SH3KBP1: variants seen among roughly 807,000 people sequenced by gnomAD.
SH3KBP1 encodes SH3 domain-containing kinase-binding protein 1.
SH3KBP1 carries 8 observed loss-of-function variants against 50.1 expected under a neutral mutation model. The observed-to-expected ratio is 0.16, with a 90% confidence interval of 0.09 to 0.29. The LOEUF (loss-of-function observed/expected upper bound fraction) is 0.29. Among genes scored for constraint, SH3KBP1 ranks in the 10% least tolerant of loss-of-function variants. The pLI, the probability that SH3KBP1 is intolerant of heterozygous loss-of-function variation, is 1.00. For synonymous variants in SH3KBP1, 227 were observed against 218.6 expected (o/e 1.04, Z -0.34); for missense variants, 377 against 535.2 (o/e 0.70, Z 2.92).
At chrX:19,563,760 G>C (rs2065753926) in intron 13 of SH3KBP1, among the ~76,000 whole-genome samples, 2 of 111,916 alleles carry the variant, frequency 1.8e-5, no homozygotes, top group Admixed American at 1.9e-4. Context: ...CGTATCTCCT[G>C]TTCTTCAGCA....
chrX:19,741,670 C>T (rs2064774488), intron 3 of SH3KBP1, among the ~76,000 whole-genome samples: 1 of 111,886 alleles, frequency 8.9e-6, no homozygotes, highest in Admixed American at 9.5e-5. Context: ...CAAGACACAT[C>T]CCCACCTTGC....
intron 10 of SH3KBP1, among the ~76,000 whole-genome samples, chrX:19,593,365 AATG>A (rs2066804743): frequency 9.0e-6 from 1 of 111,712 alleles, no homozygotes; most frequent in Non-Finnish European, 1.9e-5. Flanking sequence ...AATTCCTCTT[AATG>A]ACTCACTACA....
intron 1 of SH3KBP1, among the ~76,000 whole-genome samples, chrX:19,874,127 A>G (rs1015794302): frequency 1.0e-5 from 1 of 99,175 alleles, no homozygotes; most frequent in African/African-American, 3.9e-5. Context: ...AATCACAGTT[A>G]TTCTAGAGTA....
intron 6 of SH3KBP1, among the ~76,000 whole-genome samples, chrX:19,654,124 T>C (rs1483543252): frequency 5.4e-5 from 6 of 111,703 alleles, no homozygotes; most frequent in Non-Finnish European, 1.1e-4. Context: ...CAGAGGGACA[T>C]GTGTGTCTGT....
At chrX:19,792,212 G>C (rs1332288739) in intron 2 of SH3KBP1, among the ~76,000 whole-genome samples, 2 of 111,903 alleles carry the variant, frequency 1.8e-5, no homozygotes, top group East Asian at 5.6e-4. Context: ...TCATAGATAT[G>C]GAAAGGTATT....
intron 3 of SH3KBP1, among the ~76,000 whole-genome samples, chrX:19,713,553 C>T (rs1403341999): frequency 1.9e-5 from 2 of 106,079 alleles, no homozygotes; most frequent in Admixed American, 9.9e-5. Context: ...TGAGTCATCA[C>T]ACCTAGCCAA....
intron 4 of SH3KBP1, among the ~76,000 whole-genome samples, chrX:19,704,450 A>G (rs1344911964): frequency 1.8e-5 from 2 of 112,919 alleles, no homozygotes; most frequent in African/African-American, 6.4e-5. Flanking sequence ...TTACAATATT[A>G]AAAGAAAAGT....
chrX:19,707,160 C>T, intron 3 of SH3KBP1, 176 bp from the exon 4 acceptor site: 1 of 549,149 alleles, frequency 1.8e-6, no homozygotes, highest in South Asian at 2.3e-5. Context: ...GAAAGCAGAG[C>T]AATGCTTCTT....
chrX:19,559,006 G>T (rs767400422), intron 13 of SH3KBP1, among the ~76,000 whole-genome samples: 6 of 110,857 alleles, frequency 5.4e-5, no homozygotes, highest in African/African-American at 2.0e-4. Context: ...GGTGGCTCAT[G>T]CCTGTAATCC....
At chrX:19,846,331 T>C (rs947619015) in intron 1 of SH3KBP1, among the ~76,000 whole-genome samples, 86 of 112,773 alleles carry the variant, frequency 7.6e-4, no homozygotes, top group African/African-American at 2.6e-3. Context: ...ATTACGGGCA[T>C]GAGCCACCAC....
chrX:19,631,407 G>A (rs1434134445), intron 8 of SH3KBP1, among the ~76,000 whole-genome samples: 1 of 111,872 alleles, frequency 8.9e-6, no homozygotes, highest in African/African-American at 3.3e-5. Flanking sequence ...GCCCAAACGA[G>A]ACAGGAAAAA....
rs772884386 is a variant in SH3KBP1 at position 19,691,004 on chromosome X, T to C, written c.520+4608A>G. On this transcript the variant is annotated intron_variant, in intron 5 of 17. Coordinates refer to ENST00000397821, the MANE Select transcript of SH3KBP1 (RefSeq NM_031892.3). ...AACAATATCTAAATTCCTTTCCACC[T>C]TAACATCATAAGATTCTGCCTACAC... 2.7e-5 allele frequency among the ~76,000 whole-genome samples: 3 copies of C among 112,191 alleles called. No individual in the cohort carries two copies. The South Asian group carries it at 1.1e-3, about 42-fold the overall frequency.
Position 19,536,220 on chromosome X carries a change from C to T in SH3KBP1, c.*197G>A. Reference sequence around the variant, plus strand: ...GTGTAAGTCACAACGAGTGCCAGCCCCAGGACTAAACCCTGGGGAAGATTC... The same window carrying T: ...GTGTAAGTCACAACGAGTGCCAGCCTCAGGACTAAACCCTGGGGAAGATTC... On this transcript the variant is annotated 3_prime_UTR_variant, in exon 18 of 18. Coordinates refer to ENST00000397821, the MANE Select transcript of SH3KBP1 (RefSeq NM_031892.3). 2.8e-6 allele frequency: 1 copy of T among 353,348 alleles called. No homozygotes were observed. Among genetic ancestry groups the T allele is most frequent in the Non-Finnish European group, 5.1e-6 (1 of 197,973 alleles). The allele number at this position is 353,348 out of a possible 1,213,427, so 29.1% of individuals were successfully genotyped here.
At chrX:19,795,097 G>A (rs7888673) in intron 2 of SH3KBP1, among the ~76,000 whole-genome samples, 15 of 111,229 alleles carry the variant, frequency 1.3e-4, no homozygotes, top group African/African-American at 4.6e-4. Flanking sequence ...GGCATGTTAC[G>A]ATATTCGCTC....
At chrX:19,767,055 A>C (rs1372551759) in intron 2 of SH3KBP1, among the ~76,000 whole-genome samples, 1 of 111,906 alleles carries the variant, frequency 8.9e-6, no homozygotes, top group East Asian at 2.8e-4. Flanking sequence ...GAGTTATGAC[A>C]ACAAAATAAA....
Position 19,828,992 on chromosome X carries a change from C to A in SH3KBP1, c.162+7133G>T, listed in dbSNP as rs180853159. ...CAGGCACAGGTATGGCACCTCCTCCCCTCACCCAATGGAAGCCACAACTTT... is the reference window on the plus strand; with the variant it reads ...CAGGCACAGGTATGGCACCTCCTCCACTCACCCAATGGAAGCCACAACTTT... On this transcript the variant is annotated intron_variant, in intron 2 of 17. Coordinates refer to ENST00000397821, the MANE Select transcript of SH3KBP1 (RefSeq NM_031892.3). Among the ~76,000 whole-genome samples the A allele has an allele frequency of 5.9e-3, 652 of 110,792 alleles. 5 individuals are homozygous for A. The highest frequency in any genetic ancestry group is 0.021 in the African/African-American group (626 of 30,412).
intron 1 of SH3KBP1, among the ~76,000 whole-genome samples, chrX:19,875,538 G>A (rs901359433): frequency 1.8e-5 from 2 of 112,285 alleles, no homozygotes; most frequent in South Asian, 7.4e-4. Flanking sequence ...GGGCAGCCCC[G>A]TAGCACCCAC....
intron 7 of SH3KBP1, among the ~76,000 whole-genome samples, chrX:19,644,944 T>C (rs191691446): frequency 1.2e-3 from 129 of 111,562 alleles, no homozygotes; most frequent in African/African-American, 3.9e-3. Context: ...CAGTGGTATC[T>C]GGAGATATTC....
At chrX:19,879,858 C>T (rs1370194092) in intron 1 of SH3KBP1, among the ~76,000 whole-genome samples, 1 of 113,184 alleles carries the variant, frequency 8.8e-6, no homozygotes, top group African/African-American at 3.2e-5. Context: ...AATAAGCCCC[C>T]GGGGTTCCCC....
Sources: gnomAD v4.1 joint callset for allele counts (sites outside exome capture counted in the v4.1 genomes callset) on GRCh38, gnomAD v4.1.1 for gene constraint, MANE v1.5 for transcripts, NCBI Gene and HGNC (gene_info 2026-07-23, HGNC 2026-07-21) for gene names.